The following KCNIP1 variants were observed in gnomAD, a reference collection of about 807,000 sequenced individuals.
KCNIP1 encodes the protein A-type potassium channel modulatory protein KCNIP1.
KCNIP1 carries 18 observed loss-of-function variants against 33.0 expected under a neutral mutation model. That is an observed-to-expected ratio of 0.55 (90% CI 0.38 to 0.81). The LOEUF (loss-of-function observed/expected upper bound fraction) is 0.81, where lower values mean the gene tolerates loss of function less well. Ranked by LOEUF, KCNIP1 falls within the 30% of genes least tolerant of loss-of-function variation. The probability of loss-of-function intolerance (pLI) is 0.00; values close to 1 mark genes in which losing one functional copy is unlikely to be tolerated. For missense variants in KCNIP1, 238 were observed against 271.6 expected, an observed-to-expected ratio of 0.88 and a Z score of 0.87; for synonymous variants, 93 against 98.3, an observed-to-expected ratio of 0.95 and a Z score of 0.32.
chr5:170,643,612 A>G (rs1760664550), intron 1 of KCNIP1, among the ~76,000 whole-genome samples: 1 of 152,234 alleles, frequency 6.6e-6, no homozygotes, highest in Non-Finnish European at 1.5e-5. Context: ...CAGATTAAGA[A>G]TAAAGAAGAC....
chr5:170,363,608 A>T (rs187232869), intron 1 of KCNIP1, among the ~76,000 whole-genome samples: 27 of 152,348 alleles, frequency 1.8e-4, no homozygotes. Flanking sequence ...TTAACTACCC[A>T]GTCTGCGACA....
At chr5:170,712,107 T>G (rs1763468549) in intron 1 of KCNIP1, among the ~76,000 whole-genome samples, 1 of 152,150 alleles carries the variant, frequency 6.6e-6, no homozygotes, top group Admixed American at 6.5e-5. Flanking sequence ...CCTGGGACCT[T>G]GGACTCACCC....
At chr5:170,405,648 G>A (rs1489528994) in intron 1 of KCNIP1, among the ~76,000 whole-genome samples, 3 of 152,242 alleles carry the variant, frequency 2.0e-5, no homozygotes, top group Non-Finnish European at 4.4e-5. Flanking sequence ...TTGGGCAAAA[G>A]TATTAGTGTC....
In KCNIP1 at chr5:170,718,704, A is replaced by G. The variant is rs1229988967; in HGVS notation, c.62-54A>G. Reference sequence around the variant, plus strand: ...CTTTTGACAGCCCAGATTGTTACCTAACAAGAATGACTCCCAAGCTCAACC... The same window carrying G: ...CTTTTGACAGCCCAGATTGTTACCTGACAAGAATGACTCCCAAGCTCAACC... On this transcript the variant is annotated intron_variant, in intron 1 of 7. Coordinates refer to ENST00000328939, the MANE Select transcript of KCNIP1 (RefSeq NM_014592.4). 6 of 1,608,452 alleles carry G rather than the reference A, an allele frequency of 3.7e-6. No homozygotes were observed. In the East Asian group the frequency reaches 1.3e-4, roughly 36 times the overall value.
At chr5:170,669,307 T>C (rs1179620440) in intron 1 of KCNIP1, among the ~76,000 whole-genome samples, 1 of 152,230 alleles carries the variant, frequency 6.6e-6, no homozygotes, top group Non-Finnish European at 1.5e-5. Flanking sequence ...CAGTTTTACC[T>C]CTTGAAAAAT....
chr5:170,426,200 A>G (rs1755609222), intron 1 of KCNIP1, among the ~76,000 whole-genome samples: 3 of 151,692 alleles, frequency 2.0e-5, no homozygotes. Context: ...CCTCAGGCCC[A>G]GCATGCTTGG....
chr5:170,477,160 T>C (rs988027681), intron 1 of KCNIP1, among the ~76,000 whole-genome samples: 2 of 152,128 alleles, frequency 1.3e-5, no homozygotes, highest in African/African-American at 2.4e-5. Flanking sequence ...AGTAAATAAA[T>C]GGCCTTTTCT....
intron 1 of KCNIP1, among the ~76,000 whole-genome samples, chr5:170,436,030 C>T (rs948254760): frequency 5.3e-5 from 8 of 152,240 alleles, no homozygotes; most frequent in Admixed American, 2.0e-4. Flanking sequence ...ACCCTGGCCT[C>T]GTCCCAATCC....
chr5:170,660,553 G>T (rs1761442875), intron 1 of KCNIP1, among the ~76,000 whole-genome samples: 1 of 152,162 alleles, frequency 6.6e-6, no homozygotes, highest in Non-Finnish European at 1.5e-5. Context: ...TAGGGTGAGG[G>T]GAGACCAGAA....
At chr5:170,603,770 G>C (rs754274670) in intron 1 of KCNIP1, among the ~76,000 whole-genome samples, 7 of 152,214 alleles carry the variant, frequency 4.6e-5, no homozygotes, top group Non-Finnish European at 8.8e-5. Flanking sequence ...CCCCAGCTGA[G>C]GCTGAGGACA....
chr5:170,401,826 G>A (rs1436011453), intron 1 of KCNIP1, among the ~76,000 whole-genome samples: 1 of 151,962 alleles, frequency 6.6e-6, no homozygotes, highest in Non-Finnish European at 1.5e-5. Context: ...CACTAGGCCT[G>A]GCACATGGCT....
intron 1 of KCNIP1, among the ~76,000 whole-genome samples, chr5:170,698,242 T>C (rs1213386298): frequency 1.3e-5 from 2 of 152,182 alleles, no homozygotes; most frequent in Admixed American, 1.3e-4. Context: ...ACAGCCACTG[T>C]CTAAATGAGC....
At chr5:170,662,436 C>T (rs1761535338) in intron 1 of KCNIP1, among the ~76,000 whole-genome samples, 1 of 152,200 alleles carries the variant, frequency 6.6e-6, no homozygotes, top group Non-Finnish European at 1.5e-5. Context: ...CCAGGTTTAA[C>T]CACAAGGCCT....
At chr5:170,501,262 G>A (rs1757405035), upstream of KCNIP1, among the ~76,000 whole-genome samples, 1 of 152,128 alleles carries the variant, frequency 6.6e-6, no homozygotes, top group Non-Finnish European at 1.5e-5. Flanking sequence ...GCAGCAGGTG[G>A]CCAGAAGGAG....
chr5:170,442,360 AGAAATGGT>A (rs1756013911), intron 1 of KCNIP1, among the ~76,000 whole-genome samples: 1 of 152,226 alleles, frequency 6.6e-6, no homozygotes, highest in Admixed American at 6.5e-5. Context: ...TCTTGTACCT[AGAAATGGT>A]GGCATTAATT....
In KCNIP1 at chr5:170,504,597, T is replaced by C. The variant is rs373553910; in HGVS notation, c.25T>C (p.Ser9Pro). MGAVMGTF[S>P]SLQTKQRRPS... ...CATGGGGGCCGTCATGGGCACCTTC[T>C]CATCTCTGCAAACCAAACAAAGGCG... The change falls in exon 1 of 8, where the codon TCA (serine) becomes CCA (proline). Residue 9 changes from serine to proline, a missense_variant. Ser to Pro is a moderately conservative substitution (Grantham distance 74). Coordinates refer to ENST00000328939, the MANE Select transcript of KCNIP1 (RefSeq NM_014592.4). This position sits in a 1 kb window ranked among gnomAD's most constrained non-coding sequence, Gnocchi z 6.0. 1.5e-5 allele frequency: 25 copies of C among 1,613,822 alleles called. No homozygotes were observed. Among genetic ancestry groups the C allele is most frequent in the Non-Finnish European group, 2.0e-5 (24 of 1,179,996 alleles).
At position 170,636,666 on chromosome 5, in the gene KCNIP1, T is replaced by C. The variant is rs2113685901; in HGVS notation, c.62-82092T>C. On this transcript the variant is annotated intron_variant, in intron 1 of 7. Coordinates refer to ENST00000328939, the MANE Select transcript of KCNIP1 (RefSeq NM_014592.4). ...AGGGATGGACCCAAGAGACAAATAG[T>C]TCCCCCAAGATCGCACAGCAAGCCA... is the stretch of plus-strand genomic sequence containing the variant. Among the ~76,000 whole-genome samples the C allele has an allele frequency of 4.6e-5, 7 of 152,194 alleles. No individual in the cohort carries two copies. The South Asian group carries it at 1.5e-3, about 32-fold the overall frequency.
At chr5:170,505,536 A>C (rs1263787893) in intron 1 of KCNIP1, among the ~76,000 whole-genome samples, 1 of 152,200 alleles carries the variant, frequency 6.6e-6, no homozygotes, top group Non-Finnish European at 1.5e-5. Flanking sequence ...TTGACACTTA[A>C]ACATTCAAAT....
chr5:170,511,234 G>A (rs763733054), intron 1 of KCNIP1, among the ~76,000 whole-genome samples: 23 of 152,278 alleles, frequency 1.5e-4, no homozygotes, highest in Non-Finnish European at 3.2e-4. Context: ...TAAAAAATGG[G>A]GACAATGACA....
Sources: gnomAD v4.1 joint callset for allele counts (sites outside exome capture counted in the v4.1 genomes callset) on GRCh38, gnomAD v4.1.1 for gene constraint, Gnocchi (gnomAD v3.1) non-coding constraint, MANE v1.5 for transcripts, NCBI Gene and HGNC (gene_info 2026-07-23, HGNC 2026-07-21) for gene names.